The following CSMD2 variants were observed in gnomAD, a reference collection of about 807,000 sequenced individuals.
CSMD2 encodes CUB and sushi domain-containing protein 2.
Under a neutral mutation model 398.5 loss-of-function variants are expected in CSMD2, and 130 were observed. The observed-to-expected ratio is 0.33, with a 90% confidence interval of 0.28 to 0.38. The LOEUF (loss-of-function observed/expected upper bound fraction) is 0.38. Ranked by LOEUF, CSMD2 falls within the 10% of genes least tolerant of loss-of-function variation. The pLI, the probability that CSMD2 is intolerant of heterozygous loss-of-function variation, is 1.00. For synonymous variants in CSMD2, 1,828 were observed against 1,908.5 expected, an observed-to-expected ratio of 0.96 and a Z score of 1.10; for missense variants, 3,829 against 4,764.9, an observed-to-expected ratio of 0.80 and a Z score of 5.78.
chr1:33,944,230 GCC>G (rs35597190), intron 3 of CSMD2, among the ~76,000 whole-genome samples: 1 of 146,776 alleles, frequency 6.8e-6, no homozygotes, highest in Non-Finnish European at 1.5e-5. Flanking sequence ...TCTCAGGAAC[GCC>G]CCCCCCCCAA....
chr1:33,756,069 C>A (rs570984176), intron 13 of CSMD2, among the ~76,000 whole-genome samples: 1 of 152,248 alleles, frequency 6.6e-6, no homozygotes, highest in Non-Finnish European at 1.5e-5. Context: ...CCAGGTTTTC[C>A]ATCTCTAGCT....
chr1:34,141,083 T>C (rs1639248956), intron 1 of CSMD2, among the ~76,000 whole-genome samples: 1 of 152,110 alleles, frequency 6.6e-6, no homozygotes, highest in Admixed American at 6.6e-5. Flanking sequence ...TTTCCTCCCC[T>C]GAAAACTACC....
At chr1:34,115,117 T>C (rs752973912) in intron 1 of CSMD2, among the ~76,000 whole-genome samples, 15 of 151,288 alleles carry the variant, frequency 9.9e-5, no homozygotes, top group Non-Finnish European at 1.9e-4. Context: ...CCCCATAAAA[T>C]AGACCAATAT....
chr1:33,903,245 G>T (rs1642869047), intron 5 of CSMD2, among the ~76,000 whole-genome samples: 1 of 149,012 alleles, frequency 6.7e-6, no homozygotes, highest in African/African-American at 2.5e-5. Context: ...TTAGTCAAAA[G>T]AAAAAAAAGC....
At chr1:33,848,955 G>C (rs902244215) in intron 5 of CSMD2, among the ~76,000 whole-genome samples, 3 of 152,050 alleles carry the variant, frequency 2.0e-5, no homozygotes, top group Non-Finnish European at 4.4e-5. Flanking sequence ...TGGAATGAGG[G>C]GAGGGTGCTG....
intron 6 of CSMD2, among the ~76,000 whole-genome samples, chr1:33,827,410 A>G (rs982930258): frequency 1.3e-5 from 2 of 152,106 alleles, no homozygotes; most frequent in African/African-American, 4.8e-5. Context: ...TCAGCCTGCC[A>G]ATTCCCCAAA....
chr1:33,861,277 G>A (rs1639478795), intron 5 of CSMD2: 1 of 152,174 alleles, frequency 6.6e-6, no homozygotes, highest in Admixed American at 6.5e-5. Flanking sequence ...ACGACCCCCA[G>A]CTTGCAGCCT....
At chr1:34,107,156 A>T (rs562706278) in intron 1 of CSMD2, among the ~76,000 whole-genome samples, 18 of 152,270 alleles carry the variant, frequency 1.2e-4, no homozygotes, top group African/African-American at 4.3e-4. Context: ...GAAAACAAGG[A>T]ACTACCATTG....
intron 3 of CSMD2, among the ~76,000 whole-genome samples, chr1:33,970,837 G>A (rs61769940): frequency 0.052 from 7,901 of 152,260 alleles, 312 homozygotes; most frequent in East Asian, 0.19. Context: ...ATCCAATTCT[G>A]TGTAACCCCT....
intron 7 of CSMD2, among the ~76,000 whole-genome samples, chr1:33,824,257 C>G (rs1406601593): frequency 6.6e-6 from 1 of 152,144 alleles, no homozygotes; most frequent in African/African-American, 2.4e-5. Context: ...AAAGAAAAAG[C>G]CTGTGAGGGT....
chr1:33,995,531 A>G (rs1393696479), intron 3 of CSMD2, among the ~76,000 whole-genome samples: 1 of 152,206 alleles, frequency 6.6e-6, no homozygotes, highest in Non-Finnish European at 1.5e-5. Flanking sequence ...TGGTCTCTGC[A>G]ACCGGCCTCT....
At chr1:33,718,714 C>A (rs1266238650) in intron 19 of CSMD2, among the ~76,000 whole-genome samples, 1 of 152,230 alleles carries the variant, frequency 6.6e-6, no homozygotes, top group African/African-American at 2.4e-5. Context: ...TACACACTTA[C>A]AATTTGAGAA....
chr1:34,018,145 T>C (rs1648390750), intron 3 of CSMD2, among the ~76,000 whole-genome samples: 1 of 152,232 alleles, frequency 6.6e-6, no homozygotes, highest in South Asian at 2.1e-4. Context: ...TTGTAATAAA[T>C]ATGAAGAATC....
At chr1:33,651,951 G>A (rs1422070217) in intron 28 of CSMD2, among the ~76,000 whole-genome samples, 3 of 151,982 alleles carry the variant, frequency 2.0e-5, no homozygotes, top group South Asian at 4.2e-4. Flanking sequence ...ACCCAAGCCC[G>A]CCTGTTTATA....
chr1:33,714,811 T>C (rs1359144356), intron 20 of CSMD2, 36 bp from the exon 21 acceptor site: 1 of 1,605,048 alleles, frequency 6.2e-7, no homozygotes, highest in Non-Finnish European at 8.5e-7. Flanking sequence ...CTCAGAGACA[T>C]TGCGGGGAGA....
chr1:33,895,799 A>G (rs1642349611), intron 5 of CSMD2, among the ~76,000 whole-genome samples: 4 of 152,146 alleles, frequency 2.6e-5, no homozygotes, highest in African/African-American at 7.2e-5. Context: ...GGGGTTGTGA[A>G]TATTAAACAA....
intron 34 of CSMD2, 37 bp downstream of exon 34, chr1:33,625,014 C>A: frequency 1.2e-6 from 2 of 1,601,062 alleles, no homozygotes; most frequent in Non-Finnish European, 1.7e-6. Flanking sequence ...TACGTGCCGC[C>A]CCCCGCACCC....
intron 2 of CSMD2, among the ~76,000 whole-genome samples, chr1:34,069,340 T>C (rs1309541197): frequency 6.6e-6 from 1 of 152,206 alleles, no homozygotes; most frequent in Admixed American, 6.5e-5. Context: ...TTCATGGAAC[T>C]TTTATGGTGG....
At position 33,625,271 on chromosome 1, in the gene CSMD2, C is replaced by T. The variant is rs1471857821; in HGVS notation, c.5297-17G>A. 2 of 1,602,476 alleles carry T rather than the reference C, an allele frequency of 1.2e-6. No individual in the cohort carries two copies. The highest frequency in any genetic ancestry group is 1.7e-6 in the Non-Finnish European group (2 of 1,175,220). ...GAGGAACCGCTGTGGGGGACAAGGG[C>T]ACTGAGGGGAGGCCTCACCCCTCAG... On this transcript the variant is annotated splice_polypyrimidine_tract_variant and intron_variant, in intron 33 of 70. Transcript: ENST00000373381.
Sources: gnomAD v4.1 joint callset for allele counts (sites outside exome capture counted in the v4.1 genomes callset) on GRCh38, gnomAD v4.1.1 for gene constraint, MANE v1.5 for transcripts, NCBI Gene and HGNC (gene_info 2026-07-23, HGNC 2026-07-21) for gene names.